The following NAA35 variants were observed in gnomAD, a reference collection of about 807,000 sequenced individuals.
NAA35 encodes MAK10 homolog, amino-acid N-acetyltransferase subunit.
NAA35 carries 18 observed loss-of-function variants against 101.7 expected under a neutral mutation model. The observed-to-expected ratio is 0.18, with a 90% CI of 0.12 to 0.26. The LOEUF is 0.26. Among genes scored for constraint, NAA35 ranks in the 10% least tolerant of loss-of-function variants. The pLI, the probability that NAA35 is intolerant of heterozygous loss-of-function variation, is 1.00. For synonymous variants in NAA35, 267 were observed against 273.1 expected, an observed-to-expected ratio of 0.98 and a Z score of 0.22; for missense variants, 601 against 886.8, an observed-to-expected ratio of 0.68 and a Z score of 4.09.
rs1407835039 is a variant in NAA35, at chr9:86,002,564, T to G, written c.1057-1021T>G. ...GGTTTTTTTCATTCCTTTTTCTTCTTTTTTCTTTATTTTTGTCTGACTGTC... is the reference window on the plus strand; with the variant it reads ...GGTTTTTTTCATTCCTTTTTCTTCTGTTTTCTTTATTTTTGTCTGACTGTC... On this transcript the variant is annotated intron_variant, in intron 12 of 22. Coordinates refer to ENST00000361671, the MANE Select transcript of NAA35 (RefSeq NM_024635.4). Among the ~76,000 whole-genome samples the G allele has an allele frequency of 2.0e-5, 3 of 152,132 alleles. No individual in the cohort carries two copies. In the South Asian group the frequency reaches 6.2e-4, roughly 31 times the overall value.
At chr9:86,017,680 T>TAAAA (rs1832295699) in intron 19 of NAA35, 115 bp downstream of exon 19, 1 of 850,954 alleles carries the variant, frequency 1.2e-6, no homozygotes, top group Non-Finnish European at 1.8e-6. Context: ...TTGTTTTACT[T>TAAAA]CCTGTCTGCT....
intron 6 of NAA35, among the ~76,000 whole-genome samples, chr9:85,974,002 G>A (rs980577061): frequency 2.6e-5 from 4 of 151,904 alleles, no homozygotes; most frequent in Admixed American, 2.6e-4. Context: ...TGTCGCCCAG[G>A]CTGGATTGCA....
chr9:85,971,836 AT>A (rs372692955), intron 6 of NAA35, among the ~76,000 whole-genome samples: 7,044 of 143,408 alleles, frequency 0.049, 191 homozygotes, highest in Middle Eastern at 0.11. Flanking sequence ...ATATATCCTG[AT>A]TTTTTTTTTT....
chr9:86,004,710 A>G (rs1487455464), intron 13 of NAA35, among the ~76,000 whole-genome samples: 1 of 152,218 alleles, frequency 6.6e-6, no homozygotes, highest in African/African-American at 2.4e-5. Flanking sequence ...ACTAATATCA[A>G]GAATGAAAGA....
intron 2 of NAA35, among the ~76,000 whole-genome samples, chr9:85,955,348 ATATATATATATAT>A (rs1162057630): frequency 5.6e-4 from 38 of 67,898 alleles, no homozygotes; most frequent in African/African-American, 3.3e-3. Flanking sequence ...ATATATATAT[ATATATATATATAT>A]TTTTTTTTTT....
chr9:85,954,467 T>C (rs1449209100), intron 2 of NAA35, among the ~76,000 whole-genome samples: 1 of 152,216 alleles, frequency 6.6e-6, no homozygotes, highest in Non-Finnish European at 1.5e-5. Context: ...GCACAAGGGT[T>C]TCAGTTTCTC....
chr9:85,997,706 A>C (rs1831226814), intron 12 of NAA35, among the ~76,000 whole-genome samples: 1 of 151,716 alleles, frequency 6.6e-6, no homozygotes, highest in African/African-American at 2.4e-5. Context: ...CTGCTCTCGA[A>C]CTCTTGGGCT....
intron 11 of NAA35, among the ~76,000 whole-genome samples, chr9:85,993,471 G>C (rs1831016804): frequency 6.6e-6 from 1 of 152,076 alleles, no homozygotes; most frequent in South Asian, 2.1e-4. Flanking sequence ...GTCCGGCTAG[G>C]AAAGGCTAAT....
At chr9:86,012,572 G>A (rs983397243) in intron 15 of NAA35, among the ~76,000 whole-genome samples, 2 of 152,118 alleles carry the variant, frequency 1.3e-5, no homozygotes, top group Non-Finnish European at 2.9e-5. Flanking sequence ...TCTCTTGCCT[G>A]GTTAGTGGAA....
At chr9:85,956,293 T>G in intron 2 of NAA35, 67 bp from the exon 3 acceptor site, 1 of 981,228 alleles carries the variant, frequency 1.0e-6, no homozygotes, top group Non-Finnish European at 1.5e-6. Context: ...TGCTAATGTC[T>G]TTTTTTTCTT....
chr9:85,966,679 G>A (rs1829756414), intron 6 of NAA35: 1 of 1,266,368 alleles, frequency 7.9e-7, no homozygotes, highest in Non-Finnish European at 1.0e-6. Flanking sequence ...AATGCAGTAA[G>A]TTGACACTTC....
chr9:86,000,664 A>C (rs1054104959), intron 12 of NAA35, among the ~76,000 whole-genome samples: 4 of 151,780 alleles, frequency 2.6e-5, no homozygotes, highest in African/African-American at 7.3e-5. Flanking sequence ...CATCTCTTCT[A>C]GGTTTTCTAG....
chr9:85,949,000 AC>A (rs927424721), intron 2 of NAA35, among the ~76,000 whole-genome samples: 1 of 151,644 alleles, frequency 6.6e-6, no homozygotes, highest in African/African-American at 2.4e-5. Context: ...CGGGTGATCC[AC>A]CCGCCTCAGC....
chr9:86,022,064 C>A lies in NAA35; in HGVS notation c.*104C>A, dbSNP rs2118541630. On this transcript the variant is annotated 3_prime_UTR_variant, in exon 23 of 23. Transcript: ENST00000361671. ...ACATCACGGGAAGTGAGATGGATTT[C>A]TTGGGTAACAACTCATTATAAGGAA... is the stretch of plus-strand genomic sequence containing the variant. 2 of 833,754 alleles carry A rather than the reference C, an allele frequency of 2.4e-6. No homozygotes were observed. Among genetic ancestry groups the A allele is most frequent in the South Asian group, 1.6e-5 (1 of 62,184 alleles). The allele number at this position is 833,754 out of a possible 1,614,324, so 51.6% of individuals were successfully genotyped here. A position where few individuals can be genotyped will look rare whatever the true frequency, so the allele number is the denominator to read the frequency against.
intron 11 of NAA35, among the ~76,000 whole-genome samples, chr9:85,987,543 C>G (rs985606674): frequency 4.6e-5 from 7 of 152,118 alleles, no homozygotes; most frequent in African/African-American, 1.7e-4. Flanking sequence ...TCTTTTAGTT[C>G]AAAATTTTTT....
At chr9:85,942,110 C>T (rs371079330) in intron 1 of NAA35, 45 bp from the exon 2 acceptor site, 2 of 1,590,286 alleles carry the variant, frequency 1.3e-6, no homozygotes, top group African/African-American at 2.7e-5. Context: ...ATACTCTTGC[C>T]CTGAAAGCTA....
At chr9:85,996,930 T>C (rs890432949) in intron 12 of NAA35, among the ~76,000 whole-genome samples, 2 of 151,802 alleles carry the variant, frequency 1.3e-5, no homozygotes, top group Admixed American at 6.6e-5. Context: ...TGGCTCAAAG[T>C]GAACTTAAAC....
intron 20 of NAA35, 44 bp downstream of exon 20, chr9:86,018,439 A>G: frequency 1.9e-6 from 3 of 1,582,486 alleles, no homozygotes; most frequent in Non-Finnish European, 1.7e-6. Flanking sequence ...TTAGTCTTAG[A>G]CCTTCTTAGA....
At chr9:86,017,712 T>C (rs1458403550) in intron 19 of NAA35, 147 bp downstream of exon 19, 1 of 697,728 alleles carries the variant, frequency 1.4e-6, no homozygotes, top group Non-Finnish European at 2.3e-6. Context: ...TTTATTATCA[T>C]TAATTTTTTC....
Sources: allele counts gnomAD v4.1 joint callset (sites outside exome capture counted in the v4.1 genomes callset), GRCh38; gene constraint gnomAD v4.1.1; transcripts MANE v1.5; gene names NCBI Gene and HGNC (gene_info 2026-07-23, HGNC 2026-07-21).